Variants in TRPV1 observed in about 807,000 individuals in gnomAD.
The protein encoded by TRPV1 is OTRPC1.
Under a neutral mutation model 82.3 loss-of-function variants are expected in TRPV1, and 82 were observed. The observed-to-expected ratio is 1.00, with a 90% CI of 0.83 to 1.20. TRPV1 has a LOEUF of 1.20. TRPV1 is among the 50% of genes most tolerant of loss of function. The pLI is 0.00. For missense variants in TRPV1, 1,067 were observed against 1,096.8 expected (o/e 0.97, Z 0.38); for synonymous variants, 515 against 467.7 (o/e 1.10, Z -1.30).
At chr17:3,586,259 G>A (rs999921686) in intron 8 of TRPV1, among the ~76,000 whole-genome samples, 1 of 152,168 alleles carries the variant, frequency 6.6e-6, no homozygotes, top group African/African-American at 2.4e-5. Flanking sequence ...CACAGTAATG[G>A]GAAGTAGTTG....
Position 3,566,716 on chromosome 17 carries a change from G to T in TRPV1, c.*99C>A. ...AACATGCTGGGCAGGCACAGACCAG[G>T]CCAGGCTGCTGACAGAGCACTGGTG... On this transcript the variant is annotated 3_prime_UTR_variant, in exon 17 of 17. Transcript: ENST00000572705. 1 of 1,449,692 alleles carries T rather than the reference G, an allele frequency of 6.9e-7. No individual in the cohort carries two copies. Among genetic ancestry groups the T allele is most frequent in the Non-Finnish European group, 9.3e-7 (1 of 1,069,644 alleles). 89.8% of individuals were successfully genotyped at this position (1,449,692 alleles called of 1,614,324 possible).
At chr17:3,571,670 A>G in intron 15 of TRPV1, 31 bp from the exon 16 acceptor site, 1 of 1,536,274 alleles carries the variant, frequency 6.5e-7, no homozygotes, top group Non-Finnish European at 8.9e-7. Flanking sequence ...AGAGCCTGAG[A>G]GCTGTGCCCA....
chr17:3,592,548 T>C (rs969743389), intron 2 of TRPV1, 165 bp from the exon 3 acceptor site: 1 of 711,764 alleles, frequency 1.4e-6, no homozygotes, highest in Non-Finnish European at 2.3e-6. Flanking sequence ...GGACTGAACC[T>C]CTCACCCCAG....
chr17:3,579,864 C>A (rs183109239), intron 11 of TRPV1, among the ~76,000 whole-genome samples: 1 of 152,192 alleles, frequency 6.6e-6, no homozygotes, highest in Admixed American at 6.5e-5. Flanking sequence ...GCACCACCCC[C>A]CAAAACAAGT....
intron 13 of TRPV1, among the ~76,000 whole-genome samples, chr17:3,576,108 G>A (rs1490805539): frequency 3.3e-5 from 5 of 151,806 alleles, no homozygotes; most frequent in African/African-American, 1.2e-4. Flanking sequence ...TGTAATCCCA[G>A]CTACTGGGGA....
rs200455774 is a variant in TRPV1, at chr17:3,588,196, C to T, written c.1216G>A (p.Glu406Lys). ...VLEVIAYSSS[E>K]TPNRHDMLLV... The stretch of plus-strand genomic sequence containing the variant: ...GTGCCCCAGCCACTCACAGGGGTCT[C>T]GCTGCTGCTGTAGGCGATCACCTCC... The change falls in exon 8 of 17, where the codon GAG (glutamate) becomes AAG (lysine). Residue 406 changes from glutamate (E) to lysine (K), a missense_variant. Coordinates refer to ENST00000572705, the MANE Select transcript of TRPV1 (RefSeq NM_080704.4). The T allele has an allele frequency of 3.5e-5, 54 of 1,560,846 alleles. No individual in the cohort carries two copies. In the East Asian group the frequency reaches 9.6e-4, roughly 28 times the overall value.
In TRPV1 at chr17:3,573,533, C is replaced by CCA; in HGVS notation, c.2103+99_2103+100insTG. On this transcript the variant is annotated intron_variant, in intron 14 of 16. Coordinates refer to ENST00000572705, the MANE Select transcript of TRPV1 (RefSeq NM_080704.4). ...CCCATACCCTCCTGGCCACACACCGCCCCCACCACCCACCCACCTGCAGCC... is the reference window on the plus strand; with the variant it reads ...CCCATACCCTCCTGGCCACACACCGCCACCCCACCACCCACCCACCTGCAGCC... 12 of 8,668 alleles carry CCA rather than the reference C, an allele frequency of 1.4e-3. 4 individuals carry two copies. The highest frequency in any genetic ancestry group is 4.5e-3 in the Non-Finnish European group (11 of 2,470). The allele number at this position is 8,668 out of a possible 1,614,324, so 0.5% of individuals were successfully genotyped here.
chr17:3,608,944 T>G (rs1304503026), intron 1 of TRPV1: 1 of 152,232 alleles, frequency 6.6e-6, no homozygotes, highest in Admixed American at 6.5e-5. Context: ...CAGGCTGGAG[T>G]GCAATGGCGC....
rs201093423 is a variant in TRPV1, at chr17:3,572,230, T to C, written c.2123A>G (p.Asp708Gly). Reference sequence around the variant, plus strand: ...GCACTTAAGGAAGCTCTTCTCCGTGTCCAGGATGGTGATGGCTCTCTGCAG... The same window carrying C: ...GCACTTAAGGAAGCTCTTCTCCGTGCCCAGGATGGTGATGGCTCTCTGCAG... ...WKLQRAITIL[D>G]TEKSFLKCMR... The change falls in exon 15 of 17, where the codon GAC becomes GGC. Residue 708 changes from aspartate to glycine, a missense_variant. Physicochemically the swap from Asp to Gly is moderately conservative, Grantham distance 94. Transcript: ENST00000572705. The C allele has an allele frequency of 1.2e-6, 2 of 1,610,048 alleles. No individual in the cohort carries two copies. The highest frequency in any genetic ancestry group is 1.7e-6 in the Non-Finnish European group (2 of 1,178,280).
At chr17:3,580,880 G>A (rs1022187080) in intron 10 of TRPV1, among the ~76,000 whole-genome samples, 7 of 152,258 alleles carry the variant, frequency 4.6e-5, no homozygotes, top group South Asian at 2.1e-4. Context: ...TTAGCTGCGC[G>A]TGGTGGCGGG....
chr17:3,604,628 A>G (rs1321996165), intron 2 of TRPV1, among the ~76,000 whole-genome samples: 1 of 151,850 alleles, frequency 6.6e-6, no homozygotes, highest in Non-Finnish European at 1.5e-5. Context: ...AAAAAGAAAA[A>G]GAAAAAAAGA....
At chr17:3,583,549 A>T in intron 9 of TRPV1, 119 bp from the exon 10 acceptor site, 2 of 825,284 alleles carry the variant, frequency 2.4e-6, no homozygotes, top group Non-Finnish European at 3.8e-6. Context: ...CAGGGGAAGG[A>T]CACACAAAGA....
intron 2 of TRPV1, among the ~76,000 whole-genome samples, chr17:3,601,175 C>T (rs1342991554): frequency 1.3e-5 from 2 of 152,112 alleles, no homozygotes; most frequent in Non-Finnish European, 2.9e-5. Context: ...CCTTCTCGGC[C>T]CTCCCTGGGC....
At chr17:3,571,421 G>C in intron 16 of TRPV1, 103 bp downstream of exon 16, 1 of 898,908 alleles carries the variant, frequency 1.1e-6, no homozygotes, top group Non-Finnish European at 1.7e-6. Context: ...GGGTCCTGGG[G>C]GGATGAGGAA....
At chr17:3,580,914 G>A (rs1290092489) in intron 10 of TRPV1, among the ~76,000 whole-genome samples, 1 of 151,972 alleles carries the variant, frequency 6.6e-6, no homozygotes, top group African/African-American at 2.4e-5. Flanking sequence ...AGCTACTCAT[G>A]AGGCTGAGGC....
chr17:3,586,059 G>A, intron 8 of TRPV1, 133 bp from the exon 9 acceptor site: 1 of 1,157,102 alleles, frequency 8.6e-7, no homozygotes, highest in Non-Finnish European at 1.2e-6. Flanking sequence ...GAGATGGGAG[G>A]TCTGAGCCAG....
chr17:3,603,780 C>T (rs944858046), intron 2 of TRPV1, among the ~76,000 whole-genome samples: 13 of 152,182 alleles, frequency 8.5e-5, no homozygotes, highest in African/African-American at 3.1e-4. Flanking sequence ...CGCAAGTGAG[C>T]ATCTCTGTAT....
chr17:3,607,354 A>T (rs2075302740), intron 2 of TRPV1, among the ~76,000 whole-genome samples: 1 of 151,410 alleles, frequency 6.6e-6, no homozygotes, highest in African/African-American at 2.4e-5. Flanking sequence ...AAAGAAAAAA[A>T]AAATACAGTA....
At chr17:3,577,063 G>A in intron 13 of TRPV1, 63 bp downstream of exon 13, 1 of 1,520,130 alleles carries the variant, frequency 6.6e-7, no homozygotes. Flanking sequence ...TCCTGGCAGA[G>A]TCTTCAGAAG....
Sources: allele counts gnomAD v4.1 joint callset (sites outside exome capture counted in the v4.1 genomes callset), GRCh38; gene constraint gnomAD v4.1.1; transcripts MANE v1.5; gene names NCBI Gene and HGNC (gene_info 2026-07-23, HGNC 2026-07-21).